ZNF469: variants seen among roughly 807,000 people sequenced by gnomAD.
The protein encoded by ZNF469 is zinc finger protein 469.
Under a neutral mutation model 1.0 loss-of-function variants are expected in ZNF469, and 1 was observed. The ratio of observed to expected loss-of-function variants is 1.00; its 90% CI spans 0.35 to 4.73. The LOEUF (loss-of-function observed/expected upper bound fraction) is 4.73, where lower values mean the gene tolerates loss of function less well. ZNF469 is among the 30% of genes most tolerant of loss of function. ZNF469 has a pLI of 0.16. For synonymous variants in ZNF469, 2,703 were observed against 2,363.4 expected (o/e 1.14, Z -4.17); for missense variants, 6,100 against 5,356.3 (o/e 1.14, Z -4.33).
chr16:88,434,609 C>T lies in ZNF469; in HGVS notation c.7139C>T (p.Pro2380Leu). The change falls in exon 3 of 3, where the codon CCA (proline) becomes CTA (leucine). Residue 2380 changes from proline to leucine, a missense_variant. By Grantham distance (98) the Pro-to-Leu change is moderately conservative. Coordinates refer to ENST00000565624, the MANE Select transcript of ZNF469 (RefSeq NM_001367624.2). ...MGTSSKEPED[P>L]GTPETGRSGA... ...ACCAGCAGCAAGGAGCCGGAGGACCCAGGGACCCCTGAGACCGGGCGCTCT... is the reference window on the plus strand; with the variant it reads ...ACCAGCAGCAAGGAGCCGGAGGACCTAGGGACCCCTGAGACCGGGCGCTCT... 1 of 1,550,328 alleles carries T rather than the reference C, an allele frequency of 6.5e-7. No individual in the cohort carries two copies. The highest frequency in any genetic ancestry group is 2.4e-5 in the East Asian group (1 of 40,910).
At chr16:88,202,860 A>T in the ZNF469 span, among the ~76,000 whole-genome samples, 1 of 152,200 alleles carries the variant, frequency 6.6e-6, no homozygotes, top group Non-Finnish European at 1.5e-5. Flanking sequence ...AGGTCCCTGC[A>T]GCCCAGGTGA....
chr16:88,119,744 G>A, the ZNF469 span, among the ~76,000 whole-genome samples: 5,279 of 152,288 alleles, frequency 0.035, 294 homozygotes, highest in African/African-American at 0.12. Flanking sequence ...CTGGTTCTCC[G>A]CTGGGAAGTC....
chr16:88,407,369 C>T (rs894348604), intron 1 of ZNF469, among the ~76,000 whole-genome samples: 26 of 152,232 alleles, frequency 1.7e-4, no homozygotes, highest in African/African-American at 5.5e-4. Context: ...CTCAGTGTTA[C>T]GCGAAGGAAG....
chr16:88,219,795 G>A, the ZNF469 span, among the ~76,000 whole-genome samples: 1 of 152,080 alleles, frequency 6.6e-6, no homozygotes, highest in Admixed American at 6.5e-5. Context: ...GGGAAACCTG[G>A]CCAGGTCCTT....
At chr16:88,373,857 C>T in the ZNF469 span, among the ~76,000 whole-genome samples, 502 of 152,134 alleles carry the variant, frequency 3.3e-3, 5 homozygotes, top group African/African-American at 0.011. Context: ...ATTAGCTGAG[C>T]GTGGTGGTGC....
chr16:88,361,088 G>A, the ZNF469 span, among the ~76,000 whole-genome samples: 1 of 152,166 alleles, frequency 6.6e-6, no homozygotes, highest in African/African-American at 2.4e-5. Flanking sequence ...CTATCTAGTG[G>A]TTATGGGAGA....
chr16:88,229,212 C>T, the ZNF469 span, among the ~76,000 whole-genome samples: 12 of 152,282 alleles, frequency 7.9e-5, no homozygotes, highest in East Asian at 2.1e-3. Flanking sequence ...CAATATTTTT[C>T]TCGAGAAAAA....
intron 1 of ZNF469, among the ~76,000 whole-genome samples, chr16:88,396,571 G>A (rs1183050296): frequency 1.3e-5 from 2 of 148,540 alleles, no homozygotes; most frequent in Non-Finnish European, 3.0e-5. Context: ...GAGGCCAGAT[G>A]GAGACCCTCC....
the ZNF469 span, among the ~76,000 whole-genome samples, chr16:88,331,227 AC>A: frequency 7.8e-6 from 1 of 127,960 alleles, no homozygotes; most frequent in Non-Finnish European, 1.9e-5. Flanking sequence ...CACCACCACC[AC>A]CATCACCACC....
the ZNF469 span, among the ~76,000 whole-genome samples, chr16:88,279,748 C>T: frequency 4.6e-5 from 7 of 150,690 alleles, no homozygotes; most frequent in African/African-American, 1.5e-4. Context: ...CACTGACACT[C>T]GGTCAGTACC....
chr16:88,205,197 G>T, the ZNF469 span, among the ~76,000 whole-genome samples: 5 of 152,196 alleles, frequency 3.3e-5, no homozygotes, highest in Non-Finnish European at 7.3e-5. The surrounding 1 kb of genome is among the most constrained non-coding windows in gnomAD (Gnocchi z 4.2). Flanking sequence ...AATGGAGAAT[G>T]AGGAAAATAA....
At chr16:88,359,206 G>A in the ZNF469 span, among the ~76,000 whole-genome samples, 504 of 151,898 alleles carry the variant, frequency 3.3e-3, 1 homozygote, top group Non-Finnish European at 5.8e-3. Context: ...CCGGGGGCTC[G>A]GTACCCTGCA....
chr16:88,157,916 C>T, the ZNF469 span, among the ~76,000 whole-genome samples: 11 of 152,078 alleles, frequency 7.2e-5, no homozygotes, highest in South Asian at 2.1e-4. Context: ...TTGGGGTTCA[C>T]GGGCCCCTCA....
upstream of ZNF469, among the ~76,000 whole-genome samples, chr16:88,382,001 C>G (rs541869441): frequency 2.0e-5 from 3 of 152,248 alleles, no homozygotes; most frequent in Non-Finnish European, 4.4e-5. Flanking sequence ...GACCTGCTCC[C>G]GGGGGACCTT....
chr16:88,304,869 G>C, the ZNF469 span, among the ~76,000 whole-genome samples: 1 of 152,310 alleles, frequency 6.6e-6, no homozygotes, highest in East Asian at 1.9e-4. Context: ...GCACCCTGGA[G>C]GCCAGTGGAC....
the ZNF469 span, among the ~76,000 whole-genome samples, chr16:88,374,770 G>A: frequency 4.6e-5 from 7 of 151,734 alleles, no homozygotes; most frequent in South Asian, 2.1e-4. Context: ...GATCGGCGCC[G>A]TATGCCAAGT....
chr16:88,344,240 G>T, the ZNF469 span, among the ~76,000 whole-genome samples: 1 of 145,362 alleles, frequency 6.9e-6, no homozygotes, highest in African/African-American at 2.5e-5. Context: ...GAAAGGGCAT[G>T]GGGGGAGAAG....
chr16:88,253,150 T>G, the ZNF469 span, among the ~76,000 whole-genome samples: 1 of 152,230 alleles, frequency 6.6e-6, no homozygotes, highest in African/African-American at 2.4e-5. Flanking sequence ...GGGTTTTGAC[T>G]GTCATGAATA....
the ZNF469 span, among the ~76,000 whole-genome samples, chr16:88,200,528 C>T: frequency 2.0e-5 from 3 of 152,238 alleles, no homozygotes; most frequent in Admixed American, 6.5e-5. Flanking sequence ...CTGTCTTCCC[C>T]GGAGGCCGGT....
Sources: allele counts gnomAD v4.1 joint callset (sites outside exome capture counted in the v4.1 genomes callset), GRCh38; gene constraint gnomAD v4.1.1; non-coding constraint Gnocchi (gnomAD v3.1); transcripts MANE v1.5; gene names NCBI Gene and HGNC (gene_info 2026-07-23, HGNC 2026-07-21).